The following PADI4 variants were observed in gnomAD, a reference collection of about 807,000 sequenced individuals.
The protein encoded by PADI4 is protein-arginine deiminase type-4.
Under a neutral mutation model 75.0 loss-of-function variants are expected in PADI4, and 62 were observed. That is an observed-to-expected ratio of 0.83 (90% confidence interval 0.67 to 1.02). PADI4 has a LOEUF of 1.02. Among genes scored for constraint, PADI4 ranks in the 50% least tolerant of loss-of-function variants. The pLI is 0.00. For missense variants in PADI4, 845 were observed against 850.5 expected (o/e 0.99, Z 0.08); for synonymous variants, 361 against 348.1 (o/e 1.04, Z -0.41).
intron 1 of PADI4, among the ~76,000 whole-genome samples, chr1:17,320,574 C>T (rs746006619): frequency 6.6e-6 from 1 of 152,162 alleles, no homozygotes; most frequent in African/African-American, 2.4e-5. Context: ...TATAGGGTAA[C>T]TTCCAAGCGT....
chr1:17,322,950 G>A (rs10749618), intron 1 of PADI4, among the ~76,000 whole-genome samples: 138,912 of 152,134 alleles, frequency 0.91, 63,454 homozygotes, highest in Middle Eastern at 0.96. Context: ...AACATTTATT[G>A]TATCATAATT....
At chr1:17,342,203 C>T (rs2074433368) in intron 7 of PADI4, 82 bp downstream of exon 7, 4 of 1,482,510 alleles carry the variant, frequency 2.7e-6, no homozygotes, top group Non-Finnish European at 3.8e-6. Context: ...CAGAGCCCAG[C>T]TGGGCAGGGG....
At chr1:17,315,981 G>A (rs1263227235) in intron 1 of PADI4, among the ~76,000 whole-genome samples, 1 of 151,656 alleles carries the variant, frequency 6.6e-6, no homozygotes, top group Non-Finnish European at 1.5e-5. Context: ...CTCCTCTCTC[G>A]GCCCCTATCC....
chr1:17,312,085 A>C (rs971566800), intron 1 of PADI4, among the ~76,000 whole-genome samples: 3 of 152,246 alleles, frequency 2.0e-5, no homozygotes, highest in Non-Finnish European at 4.4e-5. Flanking sequence ...CGTGCCCAGG[A>C]AAAGAATACA....
At chr1:17,329,788 T>G (rs901920219) in intron 1 of PADI4, among the ~76,000 whole-genome samples, 4 of 152,226 alleles carry the variant, frequency 2.6e-5, no homozygotes, top group African/African-American at 9.6e-5. Context: ...CGAATTGTTA[T>G]TTCCTCCTAG....
intron 3 of PADI4, 113 bp from the exon 4 acceptor site, chr1:17,336,046 A>C (rs1748034): frequency 0.64 from 443,985 of 689,166 alleles, 144,211 homozygotes; most frequent in Non-Finnish European, 0.67. Context: ...AGAGGGGCTC[A>C]CACTATGGGT....
intron 3 of PADI4, among the ~76,000 whole-genome samples, chr1:17,335,501 T>C (rs1748035): frequency 0.64 from 97,802 of 152,086 alleles, 31,648 homozygotes; most frequent in Non-Finnish European, 0.67. Flanking sequence ...TAGAAGGTCA[T>C]CTGGGTCAGT....
intron 6 of PADI4, among the ~76,000 whole-genome samples, chr1:17,340,312 T>C (rs1485135648): frequency 6.6e-6 from 1 of 152,066 alleles, no homozygotes; most frequent in Non-Finnish European, 1.5e-5. Context: ...GGTAAAATAA[T>C]TACATAAAAC....
chr1:17,329,153 C>T (rs1635599), intron 1 of PADI4, among the ~76,000 whole-genome samples: 127,945 of 150,138 alleles, frequency 0.85, 54,786 homozygotes, highest in African/African-American at 0.93. Context: ...ACAGTTACAA[C>T]TGACCCTTGA....
At chr1:17,315,842 T>C (rs1386379430) in intron 1 of PADI4, among the ~76,000 whole-genome samples, 1 of 151,994 alleles carries the variant, frequency 6.6e-6, no homozygotes. Flanking sequence ...GATCCTACAC[T>C]GGGTTCCCAT....
chr1:17,356,493 C>T lies in PADI4; in HGVS notation c.1558+34C>T. 8.0e-7 allele frequency: 1 copy of T among 1,253,902 alleles called. No homozygotes were observed. 77.7% of individuals were successfully genotyped at this position (1,253,902 alleles called of 1,614,324 possible). A position where few individuals can be genotyped will look rare whatever the true frequency, so the allele number is the denominator to read the frequency against. On this transcript the variant is annotated intron_variant, in intron 13 of 15. Transcript: ENST00000375448. This position sits in a 1 kb window ranked among gnomAD's most constrained non-coding sequence, Gnocchi z 4.1. Reference sequence around the variant, plus strand: ...GCCCTGCCTTGTTCTCCTGTCTGTGCACCTTCCTGCTTCCCATAGTCCGCT... The same window carrying T: ...GCCCTGCCTTGTTCTCCTGTCTGTGTACCTTCCTGCTTCCCATAGTCCGCT...
At position 17,339,665 on chromosome 1, in the gene PADI4, A is replaced by G. The variant is rs1235653230; in HGVS notation, c.527-23A>G. The G allele has an allele frequency of 1.9e-6, 3 of 1,613,178 alleles. No homozygotes were observed. In the East Asian group the frequency reaches 6.7e-5, roughly 36 times the overall value. Reference sequence around the variant, plus strand: ...CAGCGGTCTCAGGGCCCTGTGACTCAGGCAATGCCCTTCTCATCCCAGACC... The same window carrying G: ...CAGCGGTCTCAGGGCCCTGTGACTCGGGCAATGCCCTTCTCATCCCAGACC... On this transcript the variant is annotated intron_variant, in intron 5 of 15. Coordinates refer to ENST00000375448, the MANE Select transcript of PADI4 (RefSeq NM_012387.3).
At position 17,356,255 on chromosome 1, in the gene PADI4, G is replaced by A. The variant is rs555080599; in HGVS notation, c.1456-102G>A. 4 of 1,308,690 alleles carry A rather than the reference G, an allele frequency of 3.1e-6. No individual in the cohort carries two copies. Among genetic ancestry groups the A allele is most frequent in the South Asian group, 1.4e-5 (1 of 72,966 alleles). The allele number at this position is 1,308,690 out of a possible 1,614,324, so 81.1% of individuals were successfully genotyped here. ...AGGATGGCAGTAGAGGAGGTGGCCA[G>A]CTTGGGTCCAAGTCCACACTACTCC... On this transcript the variant is annotated intron_variant, in intron 12 of 15. Coordinates refer to ENST00000375448, the MANE Select transcript of PADI4 (RefSeq NM_012387.3). The surrounding 1 kb of genome is among the most constrained non-coding windows in gnomAD (Gnocchi z 4.1).
At chr1:17,345,502 C>T (rs1229236645) in intron 8 of PADI4, among the ~76,000 whole-genome samples, 1 of 152,186 alleles carries the variant, frequency 6.6e-6, no homozygotes, top group East Asian at 1.9e-4. Flanking sequence ...CCACCCAAAT[C>T]TCATCTTGAC....
intron 13 of PADI4, among the ~76,000 whole-genome samples, chr1:17,358,243 G>T (rs939775304): frequency 6.6e-6 from 1 of 150,836 alleles, no homozygotes; most frequent in African/African-American, 2.4e-5. Flanking sequence ...GCAAGGCTCT[G>T]TCTCAAAACA....
At chr1:17,330,866 G>A (rs2074197534) in intron 1 of PADI4, 103 bp from the exon 2 acceptor site, 1 of 735,512 alleles carries the variant, frequency 1.4e-6, no homozygotes, top group Non-Finnish European at 2.2e-6. Context: ...CAAACAAGCT[G>A]ACACCTAATA....
intron 1 of PADI4, among the ~76,000 whole-genome samples, chr1:17,322,286 G>A (rs2100678524): frequency 6.6e-6 from 1 of 152,304 alleles, no homozygotes; most frequent in East Asian, 1.9e-4. Flanking sequence ...TCAGGAGTTT[G>A]AGACCAGCCT....
intron 15 of PADI4, 149 bp downstream of exon 15, chr1:17,359,557 T>C: frequency 2.0e-6 from 2 of 1,006,342 alleles, no homozygotes; most frequent in South Asian, 3.2e-5. Context: ...AGGTCAGACG[T>C]GACCAGGTCC....
rs184715401 is a variant in PADI4, at chr1:17,357,760, G to A, written c.1559-1078G>A. Among the ~76,000 whole-genome samples, 374 of 150,920 alleles carry A rather than the reference G, an allele frequency of 2.5e-3. 2 individuals carry two copies. Among genetic ancestry groups the A allele is most frequent in the African/African-American group, 8.6e-3 (355 of 41,098 alleles). On this transcript the variant is annotated intron_variant, in intron 13 of 15. Transcript: ENST00000375448. ...AGCTAGGCCAAGATGGTGAAACCCC[G>A]TCTCTACTAAAAATACAAAAATTAG...
Sources: allele counts gnomAD v4.1 joint callset (sites outside exome capture counted in the v4.1 genomes callset), GRCh38; gene constraint gnomAD v4.1.1; non-coding constraint Gnocchi (gnomAD v3.1); transcripts MANE v1.5; gene names NCBI Gene and HGNC (gene_info 2026-07-23, HGNC 2026-07-21).